The following PRKG1 variants were observed in gnomAD, a reference collection of about 807,000 sequenced individuals.
PRKG1 encodes protein kinase cGMP-dependent 1.
A neutral mutation model predicts 88.1 loss-of-function variants in PRKG1; 35 were observed. That is an observed-to-expected ratio of 0.40 (90% CI 0.30 to 0.53). The LOEUF (loss-of-function observed/expected upper bound fraction) is 0.53. PRKG1 is among the 20% of genes least tolerant of loss of function. The pLI, the probability that PRKG1 is intolerant of heterozygous loss-of-function variation, is 0.59. For synonymous variants in PRKG1, 303 were observed against 292.5 expected (o/e 1.04, Z -0.37); for missense variants, 540 against 839.8 (o/e 0.64, Z 4.41).
intron 9 of PRKG1, among the ~76,000 whole-genome samples, chr10:52,233,784 G>T (rs990072459): frequency 4.0e-5 from 6 of 150,262 alleles, no homozygotes; most frequent in East Asian, 2.0e-4. Context: ...CAAAGCAGCC[G>T]GGAAGCTCGA....
At chr10:51,647,630 C>A (rs1011725798) in intron 3 of PRKG1, among the ~76,000 whole-genome samples, 2 of 152,176 alleles carry the variant, frequency 1.3e-5, no homozygotes, top group Non-Finnish European at 2.9e-5. Context: ...AACACAGTCT[C>A]AAAATTTTGT....
At chr10:52,024,295 A>ATTAG (rs926552287) in intron 5 of PRKG1, among the ~76,000 whole-genome samples, 1 of 128,760 alleles carries the variant, frequency 7.8e-6, no homozygotes, top group African/African-American at 3.0e-5. Context: ...TTATTTATTT[A>ATTAG]TTCATTTATT....
intron 1 of PRKG1, among the ~76,000 whole-genome samples, chr10:50,993,616 G>C (rs902301462): frequency 6.6e-6 from 1 of 152,190 alleles, no homozygotes; most frequent in Admixed American, 6.5e-5. Flanking sequence ...GGGCTGCCGG[G>C]CTAGGGCTTT....
intron 4 of PRKG1, among the ~76,000 whole-genome samples, chr10:51,900,316 C>A (rs1011380574): frequency 2.0e-5 from 3 of 152,126 alleles, no homozygotes; most frequent in African/African-American, 7.2e-5. Context: ...TGATTTCATC[C>A]TTCATTAACA....
chr10:52,152,377 TAAAC>T (rs1356406539), intron 8 of PRKG1, among the ~76,000 whole-genome samples: 1 of 152,198 alleles, frequency 6.6e-6, no homozygotes, highest in Non-Finnish European at 1.5e-5. Flanking sequence ...AGCAGATATT[TAAAC>T]AAACAAAGTG....
chr10:52,248,562 T>G (rs1841084677), intron 9 of PRKG1, among the ~76,000 whole-genome samples: 1 of 152,114 alleles, frequency 6.6e-6, no homozygotes, highest in Non-Finnish European at 1.5e-5. Context: ...GCAAAGTAAT[T>G]AGCAAAGACT....
intron 2 of PRKG1, among the ~76,000 whole-genome samples, chr10:51,274,719 T>TA (rs1401106629): frequency 1.3e-5 from 2 of 152,216 alleles, no homozygotes; most frequent in Admixed American, 1.3e-4. Flanking sequence ...CTTAAAAAGT[T>TA]AAAAATCCAT....
At chr10:52,204,094 A>AC (rs1400452779) in intron 9 of PRKG1, among the ~76,000 whole-genome samples, 15 of 69,448 alleles carry the variant, frequency 2.2e-4, no homozygotes, top group South Asian at 4.7e-4. Flanking sequence ...TATTATTATT[A>AC]TTATTATTAT....
At chr10:52,210,684 C>CAAATTCTGATACAGTCATTT (rs1309156652) in intron 9 of PRKG1, among the ~76,000 whole-genome samples, 1 of 152,072 alleles carries the variant, frequency 6.6e-6, no homozygotes, top group African/African-American at 2.4e-5. Flanking sequence ...TAATTTTATT[C>CAAATTCTGATACAGTCATTT]AAATTCTGAT....
intron 3 of PRKG1, among the ~76,000 whole-genome samples, chr10:51,764,417 T>C (rs1838102716): frequency 6.6e-6 from 1 of 152,152 alleles, no homozygotes; most frequent in African/African-American, 2.4e-5. Context: ...CCTGAGAGTA[T>C]AATTAAGTTG....
chr10:51,626,613 C>A (rs1839343354), intron 3 of PRKG1, among the ~76,000 whole-genome samples: 2 of 152,088 alleles, frequency 1.3e-5, no homozygotes, highest in African/African-American at 4.8e-5. Flanking sequence ...ATTTCTTCTG[C>A]TTTTTATCTT....
Position 52,001,069 on chromosome 10 carries a change from C to T in PRKG1, c.763-53415C>T, listed in dbSNP as rs111506518. Among the ~76,000 whole-genome samples the T allele has an allele frequency of 6.0e-3, 905 of 151,366 alleles. 7 individuals are homozygous for T. Among genetic ancestry groups the T allele is most frequent in the Non-Finnish European group, 8.5e-3 (578 of 67,678 alleles). ...TACGGTGGGTTCAAAGTTTTTTTTT[C>T]GATTCCACATTTAAGTGAGGTCATG... On this transcript the variant is annotated intron_variant, in intron 5 of 17. Transcript: ENST00000373980.
intron 2 of PRKG1, among the ~76,000 whole-genome samples, chr10:51,170,453 C>T (rs1846674072): frequency 6.6e-6 from 1 of 151,456 alleles, no homozygotes; most frequent in Admixed American, 6.6e-5. Context: ...CACACACACA[C>T]ACACACACAC....
intron 5 of PRKG1, among the ~76,000 whole-genome samples, chr10:51,986,936 G>A (rs1844174512): frequency 6.6e-6 from 1 of 152,006 alleles, no homozygotes; most frequent in African/African-American, 2.4e-5. Flanking sequence ...AGTCTGTCAA[G>A]ATTTTTTTTT....
intron 2 of PRKG1, among the ~76,000 whole-genome samples, chr10:51,278,535 G>A (rs974728930): frequency 6.6e-6 from 1 of 152,170 alleles, no homozygotes; most frequent in Middle Eastern, 3.2e-3. Flanking sequence ...AATGGTACCA[G>A]CTCCTCCTTG....
At chr10:51,116,729 A>T (rs1409533571) in intron 1 of PRKG1, among the ~76,000 whole-genome samples, 1 of 152,178 alleles carries the variant, frequency 6.6e-6, no homozygotes, top group Non-Finnish European at 1.5e-5. Flanking sequence ...GATGTAGTTA[A>T]TAGACCAGTG....
intron 9 of PRKG1, among the ~76,000 whole-genome samples, chr10:52,205,370 G>A (rs1839792554): frequency 6.6e-6 from 1 of 152,094 alleles, no homozygotes; most frequent in African/African-American, 2.4e-5. Flanking sequence ...GATATGTGAT[G>A]TGTCCCCTGG....
chr10:51,488,580 C>T (rs80209163), intron 3 of PRKG1, among the ~76,000 whole-genome samples: 2 of 152,068 alleles, frequency 1.3e-5, no homozygotes, highest in Admixed American at 6.6e-5. Flanking sequence ...TTTGTGCAGA[C>T]CTTTAATTTG....
At chr10:52,168,517 C>T (rs1233960655) in intron 9 of PRKG1, among the ~76,000 whole-genome samples, 1 of 152,018 alleles carries the variant, frequency 6.6e-6, no homozygotes, top group Non-Finnish European at 1.5e-5. Context: ...ACTTTGTAAG[C>T]CACATTAAGA....
Sources: allele counts gnomAD v4.1 joint callset (sites outside exome capture counted in the v4.1 genomes callset), GRCh38; gene constraint gnomAD v4.1.1; transcripts MANE v1.5; gene names NCBI Gene and HGNC (gene_info 2026-07-23, HGNC 2026-07-21).